PKD1L1: variants seen among roughly 807,000 people sequenced by gnomAD.
PKD1L1 encodes polycystin 1 like 1, transient receptor potential channel interacting.
Under a neutral mutation model 323.4 loss-of-function variants are expected in PKD1L1, and 236 were observed. The ratio of observed to expected loss-of-function variants is 0.73; its 90% CI spans 0.66 to 0.81. The LOEUF (loss-of-function observed/expected upper bound fraction) is 0.81. Among genes scored for constraint, PKD1L1 ranks in the 40% least tolerant of loss-of-function variants. The pLI is 0.00. For missense variants in PKD1L1, 3,320 were observed against 3,508.0 expected, an observed-to-expected ratio of 0.95 and a Z score of 1.35; for synonymous variants, 1,344 against 1,335.0, an observed-to-expected ratio of 1.01 and a Z score of -0.15.
At chr7:47,903,078 G>A (rs1787126857) in intron 12 of PKD1L1, among the ~76,000 whole-genome samples, 1 of 152,220 alleles carries the variant, frequency 6.6e-6, no homozygotes, top group Admixed American at 6.5e-5. Context: ...AGTTGGAGGT[G>A]AGAGCTGGGT....
At position 47,831,118 on chromosome 7, in the gene PKD1L1, C is replaced by T; in HGVS notation, c.6473+99G>A. On this transcript the variant is annotated intron_variant, in intron 42 of 56. Coordinates refer to ENST00000289672, the MANE Select transcript of PKD1L1 (RefSeq NM_138295.5). ...AAAATAGCAATAGTGACATCTGGAG[C>T]CTGCATCTGATGAGTTCCCAGAAAT... The T allele has an allele frequency of 5.0e-6, 7 of 1,406,592 alleles. No individual in the cohort carries two copies. The South Asian group carries it at 6.9e-5, about 14-fold the overall frequency. 87.1% of individuals were successfully genotyped at this position (1,406,592 alleles called of 1,614,324 possible).
chr7:47,904,598 C>T lies in PKD1L1; in HGVS notation c.1711G>A (p.Ala571Thr). 1.9e-6 allele frequency: 3 copies of T among 1,613,182 alleles called. No individual in the cohort carries two copies. The highest frequency in any genetic ancestry group is 2.5e-6 in the Non-Finnish European group (3 of 1,179,324). Residue 571 changes from alanine (A) to threonine (T), a missense_variant, in exon 12 of 57, where the codon GCT becomes ACT. By Grantham distance (58) the Ala-to-Thr change is moderately conservative (BLOSUM62 0). Transcript: ENST00000289672. ...ACCACACTGCTCATCCTGTTGGAAG[C>T]CTTAACCATCACACGATACCTGCAG... is the stretch of plus-strand genomic sequence containing the variant. ...IPQWYRVMVK[A>T]SNRMSSVVSE...
At chr7:47,781,425 T>TC (rs1196132574) in intron 56 of PKD1L1, among the ~76,000 whole-genome samples, 1 of 141,486 alleles carries the variant, frequency 7.1e-6, no homozygotes, top group Admixed American at 7.5e-5. Flanking sequence ...TTTTTTTTTT[T>TC]TGAGACAGAG....
intron 25 of PKD1L1, among the ~76,000 whole-genome samples, chr7:47,866,025 T>C (rs111227055): frequency 1.5e-4 from 23 of 152,360 alleles, no homozygotes; most frequent in African/African-American, 4.8e-4. Flanking sequence ...AGTTATAAGA[T>C]AGCAGTTGCA....
At chr7:47,818,690 A>T (rs1785075913) in intron 46 of PKD1L1, among the ~76,000 whole-genome samples, 1 of 152,192 alleles carries the variant, frequency 6.6e-6, no homozygotes, top group Non-Finnish European at 1.5e-5. Context: ...AATTATATAA[A>T]ATAAGCCCAC....
At chr7:47,809,691 C>T in intron 50 of PKD1L1, 114 bp from the exon 51 acceptor site, 1 of 711,126 alleles carries the variant, frequency 1.4e-6, no homozygotes, top group Non-Finnish European at 2.2e-6. Context: ...AGCTAGGATG[C>T]AAGCCCATTT....
At chr7:47,918,488 G>T (rs993043518) in intron 7 of PKD1L1, among the ~76,000 whole-genome samples, 1 of 150,786 alleles carries the variant, frequency 6.6e-6, no homozygotes, top group African/African-American at 2.4e-5. Flanking sequence ...AAAAAACAAT[G>T]GATTTAAACT....
the PKD1L1 span, among the ~76,000 whole-genome samples, chr7:47,957,553 C>T: frequency 4.6e-5 from 7 of 152,058 alleles, no homozygotes; most frequent in South Asian, 2.1e-4. Context: ...CTGTTGCCCA[C>T]GCTGAAGTGC....
At chr7:47,785,508 C>T (rs528672006) in intron 56 of PKD1L1, among the ~76,000 whole-genome samples, 19 of 152,286 alleles carry the variant, frequency 1.2e-4, no homozygotes, top group South Asian at 6.2e-4. Context: ...TCCTTTACCT[C>T]TCTCAGTGGT....
intron 3 of PKD1L1, 110 bp from the exon 4 acceptor site, chr7:47,937,068 C>T (rs951272638): frequency 1.1e-5 from 9 of 799,170 alleles, no homozygotes; most frequent in East Asian, 2.6e-5. Flanking sequence ...CCCTGCTGTG[C>T]GCCCAGCACT....
intron 42 of PKD1L1, among the ~76,000 whole-genome samples, chr7:47,830,843 C>T (rs998134943): frequency 5.9e-5 from 9 of 152,290 alleles, no homozygotes; most frequent in South Asian, 2.1e-4. Flanking sequence ...CGAAGGCATA[C>T]GCTTTTTCAA....
At chr7:47,836,798 G>C in intron 37 of PKD1L1, 123 bp downstream of exon 37, 1 of 1,239,504 alleles carries the variant, frequency 8.1e-7, no homozygotes, top group Non-Finnish European at 1.1e-6. Context: ...AGGCAGCCAG[G>C]CTTGCTTCCC....
At chr7:47,796,734 T>A (rs1221661977) in intron 54 of PKD1L1, among the ~76,000 whole-genome samples, 1 of 151,338 alleles carries the variant, frequency 6.6e-6, no homozygotes, top group African/African-American at 2.4e-5. Context: ...ATGCCTGTAA[T>A]CCCAGCACTT....
chr7:47,927,854 A>G (rs1171141817), intron 7 of PKD1L1, among the ~76,000 whole-genome samples: 1 of 152,260 alleles, frequency 6.6e-6, no homozygotes, highest in African/African-American at 2.4e-5. Context: ...CTTTCCATTA[A>G]ATGACATACA....
chr7:47,831,352 GC>G lies in PKD1L1; in HGVS notation c.6338-1del. ...TAGTCCCTCCAAACCACTGCTGGGT[GC>G]TGCGGAAGAGTAGGACAGAGACAAG... is the stretch of plus-strand genomic sequence containing the variant. On this transcript the variant is annotated splice_acceptor_variant, in intron 41 of 56. Coordinates refer to ENST00000289672, the MANE Select transcript of PKD1L1 (RefSeq NM_138295.5). LOFTEE classifies it high-confidence loss of function. The G allele has an allele frequency of 6.2e-7, 1 of 1,610,616 alleles. No individual in the cohort carries two copies. The highest frequency in any genetic ancestry group is 8.5e-7 in the Non-Finnish European group (1 of 1,178,734).
chr7:47,848,779 T>C (rs1367918097), intron 31 of PKD1L1, among the ~76,000 whole-genome samples: 1 of 152,104 alleles, frequency 6.6e-6, no homozygotes, highest in Admixed American at 6.5e-5. Context: ...GACTCCAGCC[T>C]GGGCAACAAG....
chr7:47,888,247 T>G, intron 16 of PKD1L1, 97 bp from the exon 17 acceptor site: 1 of 1,293,394 alleles, frequency 7.7e-7, no homozygotes, highest in South Asian at 1.4e-5. Context: ...CACCCTACTT[T>G]GGATCTTTAT....
chr7:47,923,580 G>A (rs905008870), intron 7 of PKD1L1, among the ~76,000 whole-genome samples: 1 of 151,678 alleles, frequency 6.6e-6, no homozygotes, highest in African/African-American at 2.4e-5. Context: ...GGGGGCTCTT[G>A]AGCAGCCACT....
At chr7:47,897,126 A>G (rs1431008427) in intron 14 of PKD1L1, among the ~76,000 whole-genome samples, 1 of 152,138 alleles carries the variant, frequency 6.6e-6, no homozygotes, top group Non-Finnish European at 1.5e-5. Flanking sequence ...CAACTCCAGC[A>G]TTTGCCATCG....
Sources: gnomAD v4.1 joint callset for allele counts (sites outside exome capture counted in the v4.1 genomes callset) on GRCh38, gnomAD v4.1.1 for gene constraint, MANE v1.5 for transcripts, NCBI Gene and HGNC (gene_info 2026-07-23, HGNC 2026-07-21) for gene names.